The following ABLIM2 variants were observed in gnomAD, a reference collection of about 807,000 sequenced individuals.
ABLIM2 encodes actin-binding LIM protein 2.
ABLIM2 carries 53 observed loss-of-function variants against 97.7 expected under a neutral mutation model. That is an observed-to-expected ratio of 0.54 (90% CI 0.44 to 0.68). The LOEUF is 0.68. Ranked by LOEUF, ABLIM2 falls within the 30% of genes least tolerant of loss-of-function variation. The probability of loss-of-function intolerance (pLI) is 0.00; values close to 1 mark genes in which losing one functional copy is unlikely to be tolerated. For synonymous variants in ABLIM2, 361 were observed against 345.8 expected (o/e 1.04, Z -0.49); for missense variants, 835 against 867.2 (o/e 0.96, Z 0.47).
chr4:8,012,326 TCCAC>T (rs1204319061), intron 14 of ABLIM2, among the ~76,000 whole-genome samples: 6 of 143,642 alleles, frequency 4.2e-5, no homozygotes, highest in Admixed American at 1.4e-4. Flanking sequence ...CATCCATCCA[TCCAC>T]CCACCCATCC....
chr4:8,004,237 G>A lies in ABLIM2; in HGVS notation c.1618+3822C>T, dbSNP rs560589078. ...CACCTCCCACCAGACATGGGACTCC[G>A]CCCGGTCCCACAGCGAGAGGACACA... On this transcript the variant is annotated intron_variant, in intron 16 of 20. Transcript: ENST00000447017. This position sits in a 1 kb window ranked among gnomAD's most constrained non-coding sequence, Gnocchi z 5.9. 2.6e-5 allele frequency among the ~76,000 whole-genome samples: 4 copies of A among 151,828 alleles called. No individual in the cohort carries two copies. Among genetic ancestry groups the A allele is most frequent in the Admixed American group, 6.6e-5 (1 of 15,228 alleles).
At chr4:7,995,776 G>A (rs1752869946) in intron 16 of ABLIM2, among the ~76,000 whole-genome samples, 2 of 152,340 alleles carry the variant, frequency 1.3e-5, no homozygotes, top group East Asian at 1.9e-4. Context: ...GGCAAACGAG[G>A]AGCTGGGAAG....
intron 12 of ABLIM2, among the ~76,000 whole-genome samples, chr4:8,026,131 C>T (rs1160725545): frequency 5.9e-5 from 9 of 152,182 alleles, no homozygotes; most frequent in African/African-American, 9.7e-5. Flanking sequence ...CTCAGCCTTC[C>T]GAGGAGTTGG....
chr4:8,127,607 C>T lies in ABLIM2; in HGVS notation c.11-20970G>A, dbSNP rs932443814. ...TGCTTGCAAAGGGCCAGCGGGTCGG[C>T]GGCTCTCCCTCTGCGTGGCTGGGCC... On this transcript the variant is annotated intron_variant, in intron 1 of 20. Coordinates refer to ENST00000447017, the MANE Select transcript of ABLIM2 (RefSeq NM_001130083.2). The surrounding 1 kb of genome is among the most constrained non-coding windows in gnomAD (Gnocchi z 7.3). The T allele has an allele frequency of 2.2e-5, 29 of 1,289,382 alleles. No homozygotes were observed. Among genetic ancestry groups the T allele is most frequent in the African/African-American group, 4.6e-5 (3 of 65,844 alleles). 79.9% of individuals were successfully genotyped at this position (1,289,382 alleles called of 1,614,324 possible). A position where few individuals can be genotyped will look rare whatever the true frequency, so the allele number is the denominator to read the frequency against.
intron 3 of ABLIM2, among the ~76,000 whole-genome samples, chr4:8,093,627 T>A (rs1038301726): frequency 6.6e-6 from 1 of 152,244 alleles, no homozygotes; most frequent in Non-Finnish European, 1.5e-5. Context: ...AAGTTTTTTG[T>A]GCTTAGTCTA....
At chr4:7,989,959 C>T (rs573367296) in intron 17 of ABLIM2, among the ~76,000 whole-genome samples, 10 of 152,350 alleles carry the variant, frequency 6.6e-5, no homozygotes, top group Non-Finnish European at 1.0e-4. Flanking sequence ...TACCATGCAT[C>T]AGGCACTGTG....
rs1299194308 is a variant in ABLIM2, at chr4:8,124,087, C to T, written c.11-17450G>A. Among the ~76,000 whole-genome samples, 5 of 152,178 alleles carry T rather than the reference C, an allele frequency of 3.3e-5. No individual in the cohort carries two copies. Among genetic ancestry groups the T allele is most frequent in the Non-Finnish European group, 5.9e-5 (4 of 68,032 alleles). On this transcript the variant is annotated intron_variant, in intron 1 of 20. Transcript: ENST00000447017. This position sits in a 1 kb window ranked among gnomAD's most constrained non-coding sequence, Gnocchi z 6.1. ...TTCTGTAGGCCACAAACAAAAACCACACACTCTCACACACCTGGGACATAT... is the reference window on the plus strand; with the variant it reads ...TTCTGTAGGCCACAAACAAAAACCATACACTCTCACACACCTGGGACATAT...
At chr4:8,134,490 C>T (rs762156979) in intron 1 of ABLIM2, among the ~76,000 whole-genome samples, 7 of 152,208 alleles carry the variant, frequency 4.6e-5, no homozygotes, top group Non-Finnish European at 8.8e-5. Flanking sequence ...AGAACGCATG[C>T]TAAAACCAAT....
intron 2 of ABLIM2, among the ~76,000 whole-genome samples, chr4:8,105,834 A>C (rs1389797566): frequency 6.6e-6 from 1 of 152,248 alleles, no homozygotes; most frequent in African/African-American, 2.4e-5. Context: ...AAAATTAGCA[A>C]GGGCACATGC....
In ABLIM2 at chr4:8,158,716, G is replaced by A; in HGVS notation, c.-27C>T. 2 of 1,438,650 alleles carry A rather than the reference G, an allele frequency of 1.4e-6. No homozygotes were observed. The highest frequency in any genetic ancestry group is 1.4e-5 in the South Asian group (1 of 73,054). 89.1% of individuals were successfully genotyped at this position (1,438,650 alleles called of 1,614,324 possible). Reference sequence around the variant, plus strand: ...TCAGCAGCCGCTCGGAGTCGGGGCGGCCCGGCGCTGCGACAGCCAGACCCT... The same window carrying A: ...TCAGCAGCCGCTCGGAGTCGGGGCGACCCGGCGCTGCGACAGCCAGACCCT... On this transcript the variant is annotated 5_prime_UTR_variant, in exon 1 of 21. Transcript: ENST00000447017.
intron 14 of ABLIM2, among the ~76,000 whole-genome samples, chr4:8,016,091 C>T (rs1769012393): frequency 1.4e-5 from 2 of 138,664 alleles, no homozygotes; most frequent in Non-Finnish European, 3.0e-5. Flanking sequence ...GTCGCCCAGG[C>T]TGGAGTGCAG....
chr4:8,142,295 G>A (rs1191328210), intron 1 of ABLIM2, among the ~76,000 whole-genome samples: 1 of 152,140 alleles, frequency 6.6e-6, no homozygotes, highest in Non-Finnish European at 1.5e-5. Flanking sequence ...GGTCTCTCCT[G>A]CTGCCCGCAC....
Position 7,998,145 on chromosome 4 carries a change from C to A in ABLIM2, c.1619-5218G>T, listed in dbSNP as rs757848738. Among the ~76,000 whole-genome samples, 2 of 152,038 alleles carry A rather than the reference C, an allele frequency of 1.3e-5. No homozygotes were observed. The highest frequency in any genetic ancestry group is 2.9e-5 in the Non-Finnish European group (2 of 67,988). Reference sequence around the variant, plus strand: ...ATCTGATCCGTCCTCCTCGGCCTCCCAAAGTGCTGGGATTACAGGTGTGAG... The same window carrying A: ...ATCTGATCCGTCCTCCTCGGCCTCCAAAAGTGCTGGGATTACAGGTGTGAG... On this transcript the variant is annotated intron_variant, in intron 16 of 20. Coordinates refer to ENST00000447017, the MANE Select transcript of ABLIM2 (RefSeq NM_001130083.2). This position sits in a 1 kb window ranked among gnomAD's most constrained non-coding sequence, Gnocchi z 6.4.
intron 2 of ABLIM2, among the ~76,000 whole-genome samples, chr4:8,104,046 T>G (rs1344035015): frequency 2.0e-5 from 3 of 152,150 alleles, no homozygotes; most frequent in Admixed American, 6.5e-5. Flanking sequence ...AAGCATGAAA[T>G]CCACTAGCTG....
chr4:8,056,204 T>A (rs1165923243), intron 7 of ABLIM2, among the ~76,000 whole-genome samples: 1 of 151,232 alleles, frequency 6.6e-6, no homozygotes, highest in Non-Finnish European at 1.5e-5. Context: ...TTAAAATCAT[T>A]TCTAATCTCT....
At chr4:8,098,469 C>T (rs1832808551) in intron 2 of ABLIM2, among the ~76,000 whole-genome samples, 1 of 152,226 alleles carries the variant, frequency 6.6e-6, no homozygotes, top group Middle Eastern at 3.2e-3. Flanking sequence ...GCAAGACCCT[C>T]AACATTTGCC....
chr4:8,016,219 T>G (rs769841932), intron 14 of ABLIM2, among the ~76,000 whole-genome samples: 2 of 152,016 alleles, frequency 1.3e-5, no homozygotes, highest in Non-Finnish European at 2.9e-5. Context: ...AATTTTGGTA[T>G]TTTTAGTAGA....
At chr4:8,016,056 T>G (rs2150724862) in intron 14 of ABLIM2, among the ~76,000 whole-genome samples, 1 of 144,800 alleles carries the variant, frequency 6.9e-6, no homozygotes, top group East Asian at 2.0e-4. Flanking sequence ...TTTTTTTTTT[T>G]TTTTTTGAGA....
At chr4:8,106,367 C>T in intron 2 of ABLIM2, 127 bp downstream of exon 2, 2 of 1,289,324 alleles carry the variant, frequency 1.6e-6, no homozygotes, top group Non-Finnish European at 1.1e-6. Flanking sequence ...TCTGAAGATT[C>T]TGTATCTGGA....
Sources: allele counts gnomAD v4.1 joint callset (sites outside exome capture counted in the v4.1 genomes callset), GRCh38; gene constraint gnomAD v4.1.1; non-coding constraint Gnocchi (gnomAD v3.1); transcripts MANE v1.5; gene names NCBI Gene and HGNC (gene_info 2026-07-23, HGNC 2026-07-21).